Variants in CDH19 observed in about 807,000 individuals in gnomAD.
CDH19 encodes cadherin 19.
A neutral mutation model predicts 64.2 loss-of-function variants in CDH19; 67 were observed. That is an observed-to-expected ratio of 1.04 (90% CI 0.86 to 1.28). The LOEUF (loss-of-function observed/expected upper bound fraction) is 1.28. Among genes scored for constraint, CDH19 ranks in the 50% most tolerant of loss-of-function variants. The pLI, the probability that CDH19 is intolerant of heterozygous loss-of-function variation, is 0.00. For missense variants in CDH19, 1,030 were observed against 929.0 expected, an observed-to-expected ratio of 1.11 and a Z score of -1.41; for synonymous variants, 346 against 319.3, an observed-to-expected ratio of 1.08 and a Z score of -0.89.
At chr18:66,524,070 T>C (rs1338417849) in intron 9 of CDH19, among the ~76,000 whole-genome samples, 4 of 152,182 alleles carry the variant, frequency 2.6e-5, no homozygotes, top group African/African-American at 9.6e-5. Flanking sequence ...AAGACTAACA[T>C]GTTGTCTAAA....
intron 2 of CDH19, among the ~76,000 whole-genome samples, chr18:66,570,565 C>T (rs191462663): frequency 4.0e-5 from 6 of 151,708 alleles, no homozygotes; most frequent in Admixed American, 6.6e-5. Context: ...TTATCTTGAA[C>T]GCAGCAGCTA....
chr18:66,522,608 A>G (rs1285587801), intron 9 of CDH19, among the ~76,000 whole-genome samples: 1 of 151,908 alleles, frequency 6.6e-6, no homozygotes, highest in Non-Finnish European at 1.5e-5. Context: ...CATTTTTTAT[A>G]CAATTTGACT....
intron 7 of CDH19, among the ~76,000 whole-genome samples, chr18:66,543,036 T>C (rs1172272919): frequency 6.6e-6 from 1 of 152,186 alleles, no homozygotes; most frequent in African/African-American, 2.4e-5. Context: ...CACTTTTTTG[T>C]TGTCGTTGAG....
intron 9 of CDH19, among the ~76,000 whole-genome samples, chr18:66,524,931 C>G (rs1168815087): frequency 6.6e-6 from 1 of 152,058 alleles, no homozygotes; most frequent in African/African-American, 2.4e-5. Context: ...GGAGAGCTGT[C>G]AAAGTGTTTT....
In CDH19 at chr18:66,544,179, C is replaced by A. The variant is rs1218159363; in HGVS notation, c.1006G>T (p.Val336Phe). Residue 336 changes from valine to phenylalanine, a missense_variant, in exon 7 of 12, where the codon GTT (valine) becomes TTT (phenylalanine). Physicochemically the swap from Val to Phe is conservative, Grantham distance 50. Coordinates refer to ENST00000262150, the MANE Select transcript of CDH19 (RefSeq NM_021153.4). ...TGCTCAGGAACATGATGGTTTTTAA[C>A]TTTTGCTCTAATACCGTAGTGGTTC... ...HQNHYGIRAK[V>F]KNHHVPEQLM... 6.2e-7 allele frequency: 1 copy of A among 1,613,894 alleles called. No individual in the cohort carries two copies.
Position 66,568,566 on chromosome 18 carries a change from T to G in CDH19, c.340A>C (p.Ile114Leu). ...ATGTCTATTACCTGGGCTCTTAAGA[T>G]GTAGAGGGATCGCTCCTCTCTATCA... Reference protein sequence around the residue: ...KLDREERSLYILRAQVIDIAT... With the variant: ...KLDREERSLYLLRAQVIDIAT... The change falls in exon 3 of 12, where the codon ATC (isoleucine) becomes CTC (leucine). Residue 114 changes from isoleucine to leucine, a missense_variant. Coordinates refer to ENST00000262150, the MANE Select transcript of CDH19 (RefSeq NM_021153.4). 3 of 1,612,348 alleles carry G rather than the reference T, an allele frequency of 1.9e-6. No homozygotes were observed. Among genetic ancestry groups the G allele is most frequent in the South Asian group, 1.1e-5 (1 of 91,048 alleles).
At chr18:66,551,382 A>T (rs2144514624) in intron 4 of CDH19, 124 bp from the exon 5 acceptor site, 1 of 621,470 alleles carries the variant, frequency 1.6e-6, no homozygotes, top group African/African-American at 1.9e-5. Context: ...TGTGACAGAG[A>T]CTTCACTAGA....
At position 66,602,960 on chromosome 18, in the gene CDH19, C is replaced by T. The variant is rs1376978352; in HGVS notation, c.-113+994G>A. Among the ~76,000 whole-genome samples, 5 of 151,224 alleles carry T rather than the reference C, an allele frequency of 3.3e-5. No homozygotes were observed. In the South Asian group the frequency reaches 8.4e-4, roughly 25 times the overall value. The stretch of plus-strand genomic sequence containing the variant: ...AATTTGAAAAAAGAATATATTAATG[C>T]ATATAATTTTACTTAATATTGTAAC... On this transcript the variant is annotated intron_variant, in intron 1 of 11. Coordinates refer to ENST00000262150, the MANE Select transcript of CDH19 (RefSeq NM_021153.4).
At chr18:66,539,642 C>T (rs1329930533) in intron 7 of CDH19, among the ~76,000 whole-genome samples, 1 of 151,920 alleles carries the variant, frequency 6.6e-6, no homozygotes, top group Non-Finnish European at 1.5e-5. Context: ...GATATACTTT[C>T]CTTTTCACAA....
At chr18:66,601,541 G>T (rs796725704) in intron 1 of CDH19, among the ~76,000 whole-genome samples, 11 of 152,126 alleles carry the variant, frequency 7.2e-5, no homozygotes, top group African/African-American at 2.6e-4. Flanking sequence ...TTCACGTGTT[G>T]TGCCAAGGCA....
rs529101899 is a variant in CDH19 at position 66,505,369 on chromosome 18, C to G, written c.1829-67G>C. 6.6e-6 allele frequency: 8 copies of G among 1,220,990 alleles called. No homozygotes were observed. The African/African-American group carries it at 1.2e-4, about 18-fold the overall frequency. The allele number at this position is 1,220,990 out of a possible 1,614,324, so 75.6% of individuals were successfully genotyped here. ...AGTATTATAAACATTACAGTCTTTG[C>G]TCTCATTTCAAGCTCAAGATGAGTG... On this transcript the variant is annotated intron_variant, in intron 11 of 11. Coordinates refer to ENST00000262150, the MANE Select transcript of CDH19 (RefSeq NM_021153.4).
At chr18:66,573,023 G>A (rs922344299) in intron 1 of CDH19, among the ~76,000 whole-genome samples, 1 of 151,644 alleles carries the variant, frequency 6.6e-6, no homozygotes, top group Non-Finnish European at 1.5e-5. Flanking sequence ...AGAATGATAT[G>A]AAATGTATCT....
chr18:66,508,537 C>T (rs1281335751), intron 11 of CDH19, among the ~76,000 whole-genome samples: 2 of 151,618 alleles, frequency 1.3e-5, no homozygotes, highest in African/African-American at 4.8e-5. Context: ...TTTTGAGTTT[C>T]TATTCCTTCA....
intron 9 of CDH19, among the ~76,000 whole-genome samples, chr18:66,526,804 T>A (rs1053363853): frequency 6.6e-6 from 1 of 152,064 alleles, no homozygotes; most frequent in Non-Finnish European, 1.5e-5. Context: ...ATGACAATAA[T>A]GAAATAAATC....
At chr18:66,514,560 T>C (rs1985648450) in intron 9 of CDH19, among the ~76,000 whole-genome samples, 2 of 151,368 alleles carry the variant, frequency 1.3e-5, no homozygotes, top group East Asian at 3.9e-4. Flanking sequence ...TATCATACAT[T>C]AGGTATAAAT....
intron 9 of CDH19, among the ~76,000 whole-genome samples, chr18:66,513,787 T>C (rs1218726925): frequency 2.6e-5 from 4 of 151,452 alleles, no homozygotes; most frequent in African/African-American, 9.7e-5. Context: ...CAGCCATGGC[T>C]TGAGAGATTG....
intron 9 of CDH19, among the ~76,000 whole-genome samples, chr18:66,527,487 G>A (rs531766644): frequency 6.6e-6 from 1 of 152,094 alleles, no homozygotes; most frequent in African/African-American, 2.4e-5. Flanking sequence ...GGTCGCTTAC[G>A]CCTGCAATCT....
At chr18:66,597,074 T>C (rs1599047164) in intron 1 of CDH19, among the ~76,000 whole-genome samples, 2 of 61,944 alleles carry the variant, frequency 3.2e-5, no homozygotes, top group Admixed American at 2.5e-4. Context: ...AGAGCGAGAC[T>C]CCATCTCAAA....
At chr18:66,552,076 G>A (rs985991255) in intron 4 of CDH19, among the ~76,000 whole-genome samples, 15 of 151,842 alleles carry the variant, frequency 9.9e-5, no homozygotes, top group African/African-American at 3.6e-4. Flanking sequence ...GGAGGGAGTG[G>A]GGGAGATAGT....
Sources: allele counts gnomAD v4.1 joint callset (sites outside exome capture counted in the v4.1 genomes callset), GRCh38; gene constraint gnomAD v4.1.1; transcripts MANE v1.5; gene names NCBI Gene and HGNC (gene_info 2026-07-23, HGNC 2026-07-21).